TMPRSS11E: variants seen among roughly 807,000 people sequenced by gnomAD.
TMPRSS11E encodes transmembrane serine protease 11E.
A neutral mutation model predicts 48.1 loss-of-function variants in TMPRSS11E; 38 were observed. The ratio of observed to expected loss-of-function variants is 0.79; its 90% confidence interval spans 0.61 to 1.04. TMPRSS11E has a LOEUF of 1.04. Among genes scored for constraint, TMPRSS11E ranks in the 50% least tolerant of loss-of-function variants. The pLI is 0.00. For missense variants in TMPRSS11E, 530 were observed against 510.8 expected (o/e 1.04, Z -0.36); for synonymous variants, 158 against 171.9 (o/e 0.92, Z 0.63).
At chr4:68,459,921 T>G (rs992133842) in intron 1 of TMPRSS11E, among the ~76,000 whole-genome samples, 9 of 152,130 alleles carry the variant, frequency 5.9e-5, no homozygotes, top group Non-Finnish European at 1.2e-4. Flanking sequence ...AGAGTCAGTT[T>G]TGGGGGTTTC....
In TMPRSS11E at chr4:68,496,898, A is replaced by G. The variant is rs1729887188; in HGVS notation, c.*94A>G. On this transcript the variant is annotated 3_prime_UTR_variant, in exon 10 of 10. Coordinates refer to ENST00000305363, the MANE Select transcript of TMPRSS11E (RefSeq NM_014058.4). ...ATACAGAATTGGAGAAGACTTGCAA[A>G]ACAGCTAGATTTGACTGATCTCAAT... is the stretch of plus-strand genomic sequence containing the variant. The G allele has an allele frequency of 5.6e-6, 7 of 1,259,306 alleles. No individual in the cohort carries two copies. The highest frequency in any genetic ancestry group is 7.8e-6 in the Non-Finnish European group (7 of 898,714). 78.0% of individuals were successfully genotyped at this position (1,259,306 alleles called of 1,614,324 possible). A position where few individuals can be genotyped will look rare whatever the true frequency, so the allele number is the denominator to read the frequency against.
intron 9 of TMPRSS11E, among the ~76,000 whole-genome samples, chr4:68,490,748 A>ATTTTT (rs1729692836): frequency 2.6e-5 from 2 of 76,168 alleles, no homozygotes; most frequent in Admixed American, 1.5e-4. Context: ...CACTCAGCAT[A>ATTTTT]TTCTTTTTTT....
intron 2 of TMPRSS11E, 124 bp downstream of exon 2, chr4:68,462,069 G>A (rs1728806001): frequency 6.5e-6 from 8 of 1,237,166 alleles, no homozygotes; most frequent in South Asian, 1.5e-5. Flanking sequence ...CTGTACAAAG[G>A]GATCTTTACC....
intron 2 of TMPRSS11E, 103 bp from the exon 3 acceptor site, chr4:68,466,528 T>A: frequency 8.0e-7 from 1 of 1,245,428 alleles, no homozygotes; most frequent in Non-Finnish European, 1.1e-6. Flanking sequence ...CTAAGAGCAT[T>A]CCTTCCTGTT....
Position 68,490,751 on chromosome 4 carries a change from C to CTTTTTT in TMPRSS11E, c.1111-5871_1111-5866dup, listed in dbSNP as rs1158277585. Among the ~76,000 whole-genome samples, 32 of 69,326 alleles carry CTTTTTT rather than the reference C, an allele frequency of 4.6e-4. 5 individuals are homozygous for CTTTTTT. The highest frequency in any genetic ancestry group is 8.4e-4 in the African/African-American group (14 of 16,674). 45.5% of individuals were successfully genotyped at this position (69,326 alleles called of 152,430 possible). ...GTTCATGCTTCCCACTCAGCATATT[C>CTTTTTT]TTTTTTTTTTTTTTTTTTTTTTTTT... On this transcript the variant is annotated intron_variant, in intron 9 of 9. Coordinates refer to ENST00000305363, the MANE Select transcript of TMPRSS11E (RefSeq NM_014058.4).
intron 3 of TMPRSS11E, among the ~76,000 whole-genome samples, 183 bp from the exon 4 acceptor site, chr4:68,468,696 G>A (rs35225655): frequency 0.087 from 13,167 of 151,970 alleles, 683 homozygotes; most frequent in African/African-American, 0.14. Flanking sequence ...CTAAGACAGC[G>A]TTCAGTTGAA....
In TMPRSS11E at chr4:68,483,026, T is replaced by C. The variant is rs559170218; in HGVS notation, c.1110+4035T>C. Among the ~76,000 whole-genome samples, 6 of 152,308 alleles carry C rather than the reference T, an allele frequency of 3.9e-5. No individual in the cohort carries two copies. The East Asian group carries it at 7.7e-4, about 20-fold the overall frequency. ...TATCTTTATAGCAATGCCACACTCATAGTTACCAATTTTCTGTGTTAGGCT... is the reference window on the plus strand; with the variant it reads ...TATCTTTATAGCAATGCCACACTCACAGTTACCAATTTTCTGTGTTAGGCT... On this transcript the variant is annotated intron_variant, in intron 9 of 9. Coordinates refer to ENST00000305363, the MANE Select transcript of TMPRSS11E (RefSeq NM_014058.4).
intron 9 of TMPRSS11E, among the ~76,000 whole-genome samples, chr4:68,484,438 C>T (rs534709905): frequency 7.9e-5 from 12 of 152,258 alleles, no homozygotes; most frequent in South Asian, 2.1e-4. Flanking sequence ...TCCTGAGTAG[C>T]GGGGACTATA....
chr4:68,474,265 GTGTTA>G (rs1371029722), intron 5 of TMPRSS11E, among the ~76,000 whole-genome samples: 1 of 152,106 alleles, frequency 6.6e-6, no homozygotes, highest in Non-Finnish European at 1.5e-5. Context: ...CTACTCAGGT[GTGTTA>G]TACAAATGGG....
chr4:68,486,621 G>T lies in TMPRSS11E; in HGVS notation c.1110+7630G>T, dbSNP rs148177817. 4.3e-3 allele frequency among the ~76,000 whole-genome samples: 648 copies of T among 152,244 alleles called. 8 individuals carry two copies. Among genetic ancestry groups the T allele is most frequent in the African/African-American group, 0.015 (634 of 41,556 alleles). On this transcript the variant is annotated intron_variant, in intron 9 of 9. Transcript: ENST00000305363. The stretch of plus-strand genomic sequence containing the variant: ...AAGAATGTATATTTTCTTGTTGTTA[G>T]GTGGAGTGTTCTATAGATATCTCTT...
chr4:68,461,714 C>T (rs988063616), intron 1 of TMPRSS11E, 107 bp from the exon 2 acceptor site: 37 of 1,542,760 alleles, frequency 2.4e-5, no homozygotes, highest in Non-Finnish European at 3.0e-5. Context: ...AGACAGTACA[C>T]GACCCTCCAA....
In TMPRSS11E at chr4:68,467,152, T is replaced by G. The variant is rs903783012; in HGVS notation, c.258+400T>G. On this transcript the variant is annotated intron_variant, in intron 3 of 9. Transcript: ENST00000305363. Reference sequence around the variant, plus strand: ...TATTTAGGCACATACCTAAATAGTCTGTTAGGTTTTAAAAATATCTAACCT... The same window carrying G: ...TATTTAGGCACATACCTAAATAGTCGGTTAGGTTTTAAAAATATCTAACCT... Among the ~76,000 whole-genome samples the G allele has an allele frequency of 3.9e-5, 6 of 152,264 alleles. No individual in the cohort carries two copies. The East Asian group carries it at 1.2e-3, about 29-fold the overall frequency.
chr4:68,465,003 T>C (rs1351845572), intron 2 of TMPRSS11E, among the ~76,000 whole-genome samples: 1 of 152,254 alleles, frequency 6.6e-6, no homozygotes. Context: ...TAGTTAACTA[T>C]GAGGCAGATG....
At chr4:68,476,118 C>A in intron 6 of TMPRSS11E, 143 bp from the exon 7 acceptor site, 1 of 1,096,412 alleles carries the variant, frequency 9.1e-7, no homozygotes, top group Non-Finnish European at 1.3e-6. Flanking sequence ...CTACAGTTTA[C>A]AGAAAGGTAA....
At chr4:68,461,547 A>T (rs1464459006) in intron 1 of TMPRSS11E, among the ~76,000 whole-genome samples, 1 of 152,182 alleles carries the variant, frequency 6.6e-6, no homozygotes, top group Non-Finnish European at 1.5e-5. Flanking sequence ...TACTTCATTT[A>T]ATCCTCACAA....
At chr4:68,480,409 A>G (rs551332820) in intron 9 of TMPRSS11E, among the ~76,000 whole-genome samples, 1 of 152,064 alleles carries the variant, frequency 6.6e-6, no homozygotes, top group Admixed American at 6.5e-5. Context: ...CTCTATTCTT[A>G]TGTTAAGCCC....
chr4:68,474,741 C>G lies in TMPRSS11E; in HGVS notation c.509C>G (p.Thr170Arg). The G allele has an allele frequency of 6.2e-7, 1 of 1,604,216 alleles. No homozygotes were observed. Among genetic ancestry groups the G allele is most frequent in the Non-Finnish European group, 8.5e-7 (1 of 1,176,778 alleles). Residue 170 changes from threonine (T) to arginine (R), a missense_variant, in exon 6 of 10, where the codon ACA becomes AGA. Physicochemically the swap from Thr to Arg is moderately conservative, Grantham distance 71. Coordinates refer to ENST00000305363, the MANE Select transcript of TMPRSS11E (RefSeq NM_014058.4). ...VKIKKINKTE[T>R]DSYLNHCCGT... ...GTTTCAGAAATCAACAAGACAGAAA[C>G]AGACAGCTATCTAAACCATTGTAAG...
chr4:68,469,589 C>A (rs942682967), intron 4 of TMPRSS11E, among the ~76,000 whole-genome samples: 2 of 151,914 alleles, frequency 1.3e-5, no homozygotes. Context: ...TAAGGCATTA[C>A]TTTGATCACT....
intron 1 of TMPRSS11E, among the ~76,000 whole-genome samples, chr4:68,455,806 T>C (rs1300848880): frequency 1.3e-5 from 2 of 152,014 alleles, no homozygotes; most frequent in Non-Finnish European, 2.9e-5. Flanking sequence ...TGGGATATTG[T>C]TGTGTATAAA....
Sources: gnomAD v4.1 joint callset for allele counts (sites outside exome capture counted in the v4.1 genomes callset) on GRCh38, gnomAD v4.1.1 for gene constraint, MANE v1.5 for transcripts, NCBI Gene and HGNC (gene_info 2026-07-23, HGNC 2026-07-21) for gene names.